PRKAR2B: variants seen among roughly 807,000 people sequenced by gnomAD.
PRKAR2B encodes cAMP-dependent protein kinase type II-beta regulatory subunit.
PRKAR2B carries 14 observed loss-of-function variants against 49.9 expected under a neutral mutation model. The ratio of observed to expected loss-of-function variants is 0.28; its 90% CI spans 0.19 to 0.44. The LOEUF is 0.44. PRKAR2B is among the 20% of genes least tolerant of loss of function. PRKAR2B has a pLI of 1.00. For missense variants in PRKAR2B, 393 were observed against 537.9 expected, an observed-to-expected ratio of 0.73 and a Z score of 2.67; for synonymous variants, 196 against 197.7, an observed-to-expected ratio of 0.99 and a Z score of 0.07.
chr7:107,127,598 A>G (rs1011929551), intron 3 of PRKAR2B, among the ~76,000 whole-genome samples: 1 of 152,242 alleles, frequency 6.6e-6, no homozygotes, highest in Non-Finnish European at 1.5e-5. Flanking sequence ...TTTTCCCTGG[A>G]ACACATATTC....
chr7:107,140,985 G>T (rs2115637923), intron 5 of PRKAR2B, 32 bp downstream of exon 5: 1 of 1,484,434 alleles, frequency 6.7e-7, no homozygotes, highest in South Asian at 1.2e-5. Context: ...TATTGAAATT[G>T]AAAGAACCTT....
At chr7:107,099,708 A>G (rs570974916) in intron 2 of PRKAR2B, among the ~76,000 whole-genome samples, 17 of 147,830 alleles carry the variant, frequency 1.1e-4, no homozygotes, top group Non-Finnish European at 2.4e-4. Context: ...GCGCAATCTC[A>G]GCTCACTCCA....
At chr7:107,107,950 C>A (rs1285844485) in intron 2 of PRKAR2B, among the ~76,000 whole-genome samples, 1 of 152,114 alleles carries the variant, frequency 6.6e-6, no homozygotes, top group Non-Finnish European at 1.5e-5. Context: ...GATGCTGTGC[C>A]CGGCCAAGAG....
intron 2 of PRKAR2B, among the ~76,000 whole-genome samples, chr7:107,106,782 C>G (rs890528870): frequency 2.0e-5 from 3 of 151,984 alleles, no homozygotes; most frequent in Non-Finnish European, 2.9e-5. Context: ...GCAGGACCCC[C>G]CTCAGAATCA....
intron 6 of PRKAR2B, among the ~76,000 whole-genome samples, chr7:107,147,339 C>T (rs147953637): frequency 1.5e-3 from 229 of 152,264 alleles, no homozygotes; most frequent in African/African-American, 5.2e-3. Context: ...CTAGACCTCA[C>T]CATGGGCAAA....
At chr7:107,081,501 A>G (rs1794513661) in intron 2 of PRKAR2B, among the ~76,000 whole-genome samples, 1 of 149,328 alleles carries the variant, frequency 6.7e-6, no homozygotes, top group Non-Finnish European at 1.5e-5. Flanking sequence ...AATATATTAT[A>G]TACTAGGTAA....
At chr7:107,121,077 A>G (rs1206961670) in intron 2 of PRKAR2B, among the ~76,000 whole-genome samples, 2 of 151,668 alleles carry the variant, frequency 1.3e-5, no homozygotes, top group African/African-American at 4.8e-5. Context: ...ATTTTAAGCA[A>G]TAGCATCCAA....
At chr7:107,149,607 C>G (rs1426903759) in intron 6 of PRKAR2B, among the ~76,000 whole-genome samples, 1 of 152,028 alleles carries the variant, frequency 6.6e-6, no homozygotes, top group Non-Finnish European at 1.5e-5. Flanking sequence ...TCCAAAGGCT[C>G]CACCACCTAA....
chr7:107,053,461 T>C (rs1793848092), intron 1 of PRKAR2B, among the ~76,000 whole-genome samples: 1 of 151,996 alleles, frequency 6.6e-6, no homozygotes, highest in East Asian at 1.9e-4. Context: ...ATTGATACTC[T>C]AGTAATATAT....
At chr7:107,111,179 G>A (rs775513040) in intron 2 of PRKAR2B, among the ~76,000 whole-genome samples, 1 of 151,964 alleles carries the variant, frequency 6.6e-6, no homozygotes, top group Non-Finnish European at 1.5e-5. Context: ...AGGTTCCTCT[G>A]CTTAAGGAAA....
intron 1 of PRKAR2B, among the ~76,000 whole-genome samples, chr7:107,057,990 A>G (rs1311609256): frequency 6.6e-6 from 1 of 152,064 alleles, no homozygotes; most frequent in Non-Finnish European, 1.5e-5. Context: ...AAAAACTTGC[A>G]GTTCTTTAAA....
At position 107,139,008 on chromosome 7, in the gene PRKAR2B, T is replaced by G. The variant is rs1371288649; in HGVS notation, c.481-1839T>G. 2.0e-5 allele frequency among the ~76,000 whole-genome samples: 3 copies of G among 151,950 alleles called. No homozygotes were observed. The East Asian group carries it at 5.8e-4, about 29-fold the overall frequency. On this transcript the variant is annotated intron_variant, in intron 4 of 10. Transcript: ENST00000265717. ...AAAATCTATTTTAAAGAAAAAAAAA[T>G]GACAATCATATTTTTAATTTCCAAG...
intron 2 of PRKAR2B, among the ~76,000 whole-genome samples, chr7:107,076,572 T>C (rs1794402062): frequency 6.6e-6 from 1 of 152,178 alleles, no homozygotes. Flanking sequence ...CCATGAAATC[T>C]TTGCATTGAC....
chr7:107,138,032 T>C (rs908245363), intron 4 of PRKAR2B, among the ~76,000 whole-genome samples: 1 of 152,136 alleles, frequency 6.6e-6, no homozygotes, highest in Non-Finnish European at 1.5e-5. Flanking sequence ...TGTTTATATT[T>C]CCTCCTTTTT....
chr7:107,067,434 C>T (rs1016098249), intron 1 of PRKAR2B: 1 of 152,088 alleles, frequency 6.6e-6, no homozygotes, highest in Non-Finnish European at 1.5e-5. Flanking sequence ...GCTTGGTGCA[C>T]CCATCTTCTT....
In PRKAR2B at chr7:107,114,832, C is replaced by T. The variant is rs115026728; in HGVS notation, c.344-7120C>T. On this transcript the variant is annotated intron_variant, in intron 2 of 10. Coordinates refer to ENST00000265717, the MANE Select transcript of PRKAR2B (RefSeq NM_002736.3). Reference sequence around the variant, plus strand: ...GGGGTGTGAATGTTAATTAATTATACAGTCCCTTAAAGAGTAGTGGTATAC... The same window carrying T: ...GGGGTGTGAATGTTAATTAATTATATAGTCCCTTAAAGAGTAGTGGTATAC... Among the ~76,000 whole-genome samples the T allele has an allele frequency of 3.6e-3, 546 of 152,146 alleles. 3 individuals are homozygous for T. Among genetic ancestry groups the T allele is most frequent in the African/African-American group, 0.013 (519 of 41,500 alleles).
At chr7:107,134,685 A>G (rs1383791989) in intron 4 of PRKAR2B, among the ~76,000 whole-genome samples, 1 of 152,212 alleles carries the variant, frequency 6.6e-6, no homozygotes, top group Non-Finnish European at 1.5e-5. Flanking sequence ...AAATAAACCT[A>G]TATACTTATG....
chr7:107,057,860 T>A (rs1280569567), intron 1 of PRKAR2B, among the ~76,000 whole-genome samples: 1 of 152,144 alleles, frequency 6.6e-6, no homozygotes, highest in Admixed American at 6.5e-5. Flanking sequence ...GAAATTTGAT[T>A]AGAAATATAA....
rs144714439 is a variant in PRKAR2B at position 107,051,187 on chromosome 7, A to G, written c.307+5973A>G. Among the ~76,000 whole-genome samples the G allele has an allele frequency of 2.0e-3, 304 of 152,332 alleles. 2 individuals carry two copies. Among genetic ancestry groups the G allele is most frequent in the African/African-American group, 7.0e-3 (291 of 41,580 alleles). ...TTGTGCGCTATTTATATTAACTTAC[A>G]TCATATGAATTTTTTCTGTCTTCCA... On this transcript the variant is annotated intron_variant, in intron 1 of 10. Transcript: ENST00000265717.
Sources: gnomAD v4.1 joint callset for allele counts (sites outside exome capture counted in the v4.1 genomes callset) on GRCh38, gnomAD v4.1.1 for gene constraint, MANE v1.5 for transcripts, NCBI Gene and HGNC (gene_info 2026-07-23, HGNC 2026-07-21) for gene names.